Variants in RAB39A observed in about 807,000 individuals in gnomAD.
RAB39A encodes ras-related protein Rab-39A.
Under a neutral mutation model 20.9 loss-of-function variants are expected in RAB39A, and 17 were observed. That is an observed-to-expected ratio of 0.81 (90% CI 0.56 to 1.22). The LOEUF (loss-of-function observed/expected upper bound fraction) is 1.22. Ranked by LOEUF, RAB39A falls within the 50% of genes most tolerant of loss-of-function variation. The pLI is 0.00. For synonymous variants in RAB39A, 99 were observed against 103.4 expected, an observed-to-expected ratio of 0.96 and a Z score of 0.26; for missense variants, 234 against 270.5, an observed-to-expected ratio of 0.87 and a Z score of 0.95.
At position 107,944,615 on chromosome 11, in the gene RAB39A, G is replaced by T. The variant is rs756563153; in HGVS notation, c.227+15820G>T. Among the ~76,000 whole-genome samples, 72 of 151,922 alleles carry T rather than the reference G, an allele frequency of 4.7e-4. 1 individual carries two copies. Among genetic ancestry groups the T allele is most frequent in the Non-Finnish European group, 2.2e-4 (15 of 67,994 alleles). ...TTAGCCAGGCTGGTCTCGAACTCCT[G>T]ACCTTGTGATCTGCCCGCCTCAGCC... On this transcript the variant is annotated intron_variant, in intron 1 of 1. Transcript: ENST00000320578.
intron 1 of RAB39A, among the ~76,000 whole-genome samples, chr11:107,940,673 T>C (rs1231907680): frequency 1.3e-5 from 2 of 152,146 alleles, no homozygotes; most frequent in Non-Finnish European, 2.9e-5. Context: ...GGAAGTTTGC[T>C]TTAAAAATGA....
chr11:107,961,354 G>A (rs1290478525), intron 1 of RAB39A, among the ~76,000 whole-genome samples: 1 of 151,946 alleles, frequency 6.6e-6, no homozygotes, highest in East Asian at 1.9e-4. Context: ...TTTTTTAAGG[G>A]CACTGGTCCC....
intron 1 of RAB39A, among the ~76,000 whole-genome samples, chr11:107,956,676 T>A (rs1322925264): frequency 6.6e-6 from 1 of 152,202 alleles, no homozygotes; most frequent in Non-Finnish European, 1.5e-5. Context: ...GCAGTATTCC[T>A]CAGCAGTGTT....
At chr11:107,953,601 A>G (rs1007733764) in intron 1 of RAB39A, among the ~76,000 whole-genome samples, 1 of 152,162 alleles carries the variant, frequency 6.6e-6, no homozygotes, top group African/African-American at 2.4e-5. Flanking sequence ...TAGTGAAAGC[A>G]TTTCTCCCTT....
chr11:107,938,354 C>T (rs1361186301), intron 1 of RAB39A, among the ~76,000 whole-genome samples: 2 of 99,094 alleles, frequency 2.0e-5, no homozygotes, highest in African/African-American at 7.0e-5. Context: ...AGCAAGACTC[C>T]GTCTCAAAAA....
chr11:107,945,123 G>T (rs562521163), intron 1 of RAB39A, among the ~76,000 whole-genome samples: 1 of 151,660 alleles, frequency 6.6e-6, no homozygotes, highest in African/African-American at 2.4e-5. Context: ...GGCGGAGGTT[G>T]CAGTGAGCCA....
chr11:107,948,678 G>C (rs1385287055), intron 1 of RAB39A, among the ~76,000 whole-genome samples: 2 of 152,056 alleles, frequency 1.3e-5, no homozygotes. Context: ...TTGACCTCGT[G>C]ATCCGCCTTC....
chr11:107,961,069 C>A (rs1039231814), intron 1 of RAB39A, among the ~76,000 whole-genome samples: 1 of 152,168 alleles, frequency 6.6e-6, no homozygotes, highest in Non-Finnish European at 1.5e-5. Flanking sequence ...TCTCCTGTTT[C>A]TTGAATAGGT....
At chr11:107,955,433 C>T (rs1861424191) in intron 1 of RAB39A, among the ~76,000 whole-genome samples, 1 of 152,162 alleles carries the variant, frequency 6.6e-6, no homozygotes, top group Non-Finnish European at 1.5e-5. Context: ...GCCAAGTGGG[C>T]TTGCACTGTA....
intron 1 of RAB39A, among the ~76,000 whole-genome samples, chr11:107,945,375 T>G (rs1343723721): frequency 1.3e-5 from 2 of 151,114 alleles, no homozygotes; most frequent in African/African-American, 4.9e-5. Flanking sequence ...ATTGAACATC[T>G]GTGTCTATTT....
At chr11:107,946,624 C>T (rs1276858145) in intron 1 of RAB39A, among the ~76,000 whole-genome samples, 1 of 149,920 alleles carries the variant, frequency 6.7e-6, no homozygotes, top group Non-Finnish European at 1.5e-5. Flanking sequence ...AGGCGCCCGC[C>T]ACCACGCCCA....
At chr11:107,956,453 C>T (rs771280380) in intron 1 of RAB39A, among the ~76,000 whole-genome samples, 8 of 152,176 alleles carry the variant, frequency 5.3e-5, no homozygotes, top group Non-Finnish European at 1.0e-4. Flanking sequence ...AGAGTACTGA[C>T]CTTGAACACA....
intron 1 of RAB39A, among the ~76,000 whole-genome samples, chr11:107,936,870 G>A (rs534693452): frequency 4.0e-5 from 6 of 150,930 alleles, no homozygotes; most frequent in Admixed American, 1.3e-4. Flanking sequence ...AGGTTGCAAG[G>A]TTGCAGTGAG....
chr11:107,963,213 G>C lies in RAB39A; in HGVS notation c.*841G>C, dbSNP rs554828034. The stretch of plus-strand genomic sequence containing the variant: ...AGCCTCCTGAGTAGCTGGAACTGCA[G>C]ATGTGCGCCACCATGCCCGGCTAAT... On this transcript the variant is annotated 3_prime_UTR_variant, in exon 2 of 2. Transcript: ENST00000320578. 6.6e-6 allele frequency: 1 copy of C among 152,060 alleles called. No individual in the cohort carries two copies. Among genetic ancestry groups the C allele is most frequent in the Non-Finnish European group, 1.5e-5 (1 of 68,044 alleles). 9.4% of individuals were successfully genotyped at this position (152,060 alleles called of 1,614,324 possible).
rs777801190 is a variant in RAB39A at position 107,962,306 on chromosome 11, T to C, written c.588T>C (p.Gly196=). 1 of 1,613,840 alleles carries C rather than the reference T, an allele frequency of 6.2e-7. No individual in the cohort carries two copies. Among genetic ancestry groups the C allele is most frequent in the African/African-American group, 1.3e-5 (1 of 75,034 alleles). The change falls in exon 2 of 2, where the codon GGT becomes GGC. Residue 196 remains glycine (G), a synonymous_variant. Coordinates refer to ENST00000320578, the MANE Select transcript of RAB39A (RefSeq NM_017516.3). ...IQDGWEGVKS[G]FVPNTVHSSE... ...ATGGCTGGGAAGGGGTTAAAAGTGG[T>C]TTTGTTCCAAATACTGTGCATTCTT...
intron 1 of RAB39A, among the ~76,000 whole-genome samples, chr11:107,959,977 C>T (rs962955011): frequency 2.6e-5 from 4 of 152,084 alleles, no homozygotes; most frequent in Admixed American, 1.3e-4. Flanking sequence ...TTTGGGAGGC[C>T]GAGGCAGGTG....
Position 107,945,192 on chromosome 11 carries a change from AAAAG to A in RAB39A, c.227+16400_227+16403del, listed in dbSNP as rs374666817. 1.0e-3 allele frequency among the ~76,000 whole-genome samples: 151 copies of A among 151,656 alleles called. 1 individual carries two copies. The highest frequency in any genetic ancestry group is 3.6e-3 in the African/African-American group (149 of 41,308). On this transcript the variant is annotated intron_variant, in intron 1 of 1. Coordinates refer to ENST00000320578, the MANE Select transcript of RAB39A (RefSeq NM_017516.3). ...GAGTAAGACTCCATCTCAAAAAAAA[AAAAG>A]AAGCCGCCAGCCATGGTGGCTTATG... is the stretch of plus-strand genomic sequence containing the variant.
intron 1 of RAB39A, among the ~76,000 whole-genome samples, chr11:107,961,295 T>C (rs1348958705): frequency 6.6e-6 from 1 of 152,164 alleles, no homozygotes; most frequent in African/African-American, 2.4e-5. Flanking sequence ...ACAGCCACCT[T>C]GTATCCTCAC....
At chr11:107,950,494 C>T (rs2134967665) in intron 1 of RAB39A, among the ~76,000 whole-genome samples, 2 of 152,118 alleles carry the variant, frequency 1.3e-5, no homozygotes, top group African/African-American at 4.8e-5. Flanking sequence ...AGTCTGGGCG[C>T]GGTGGCTCAT....
Sources: allele counts gnomAD v4.1 joint callset (sites outside exome capture counted in the v4.1 genomes callset), GRCh38; gene constraint gnomAD v4.1.1; transcripts MANE v1.5; gene names NCBI Gene and HGNC (gene_info 2026-07-23, HGNC 2026-07-21).